The following SYNPR variants were observed in gnomAD, a reference collection of about 807,000 sequenced individuals.
SYNPR encodes the protein synaptoporin.
Under a neutral mutation model 32.9 loss-of-function variants are expected in SYNPR, and 23 were observed. The observed-to-expected ratio is 0.70, with a 90% CI of 0.50 to 0.99. SYNPR has a LOEUF of 0.99. SYNPR is among the 50% of genes least tolerant of loss of function. The probability of loss-of-function intolerance (pLI) is 0.00; values close to 1 mark genes in which losing one functional copy is unlikely to be tolerated. For synonymous variants in SYNPR, 146 were observed against 135.9 expected (o/e 1.07, Z -0.52); for missense variants, 318 against 349.3 (o/e 0.91, Z 0.71).
chr3:63,438,250 C>T (rs1284371631), intron 2 of SYNPR, among the ~76,000 whole-genome samples: 1 of 152,164 alleles, frequency 6.6e-6, no homozygotes, highest in Non-Finnish European at 1.5e-5. Flanking sequence ...ACATTTCCAT[C>T]CAAAAATCCT....
At chr3:63,203,098 A>G in the SYNPR span, 2 of 115,292 alleles carry the variant, frequency 1.7e-5, no homozygotes, top group South Asian at 5.8e-4. Context: ...ATATATATAT[A>G]TATTTGCCAC....
intron 2 of SYNPR, among the ~76,000 whole-genome samples, chr3:63,473,069 T>C (rs532226469): frequency 6.6e-6 from 1 of 152,068 alleles, no homozygotes; most frequent in South Asian, 2.1e-4. Context: ...TCTTACAACA[T>C]ATGCAGACTT....
At chr3:63,556,827 C>T (rs1203629157) in intron 4 of SYNPR, 86 bp downstream of exon 4, 1 of 1,291,508 alleles carries the variant, frequency 7.7e-7, no homozygotes, top group East Asian at 2.5e-5. Context: ...GTTACCTGAG[C>T]CCTCGGGTTA....
At chr3:63,442,403 G>C (rs1236078436) in intron 2 of SYNPR, among the ~76,000 whole-genome samples, 1 of 152,138 alleles carries the variant, frequency 6.6e-6, no homozygotes, top group Non-Finnish European at 1.5e-5. Flanking sequence ...GGGCGGGAAG[G>C]AGAGGCACAC....
the SYNPR span, among the ~76,000 whole-genome samples, chr3:63,202,047 T>A: frequency 2.6e-5 from 4 of 152,138 alleles, no homozygotes; most frequent in African/African-American, 9.7e-5. Flanking sequence ...GTAAGTTTTT[T>A]AAAAACCCCA....
chr3:63,319,268 G>C (rs1408601608), intron 2 of SYNPR, among the ~76,000 whole-genome samples: 2 of 152,010 alleles, frequency 1.3e-5, no homozygotes, highest in Non-Finnish European at 2.9e-5. Flanking sequence ...TCTGTATTCT[G>C]TTCCATTGGT....
At chr3:63,610,405 G>T in intron 5 of SYNPR, 3 of 633,606 alleles carry the variant, frequency 4.7e-6, no homozygotes, top group South Asian at 3.7e-5. Flanking sequence ...AGTGTTTGCT[G>T]AAAGAACATT....
intron 3 of SYNPR, among the ~76,000 whole-genome samples, chr3:63,530,237 A>G (rs577035005): frequency 1.8e-4 from 28 of 152,324 alleles, no homozygotes; most frequent in African/African-American, 6.5e-4. Context: ...TGGGCCCAGC[A>G]AATTACGCAG....
At chr3:63,390,486 T>C (rs527518399) in intron 2 of SYNPR, among the ~76,000 whole-genome samples, 1 of 152,264 alleles carries the variant, frequency 6.6e-6, no homozygotes, top group Non-Finnish European at 1.5e-5. Context: ...ACCAACTGCT[T>C]CCTGAGGACA....
chr3:63,474,835 G>A (rs1195832720), intron 2 of SYNPR, among the ~76,000 whole-genome samples: 1 of 152,068 alleles, frequency 6.6e-6, no homozygotes, highest in Non-Finnish European at 1.5e-5. Context: ...TGAAGGTTGT[G>A]TACCAGGCCT....
chr3:63,400,057 G>A (rs1380831464), intron 2 of SYNPR, among the ~76,000 whole-genome samples: 6 of 152,198 alleles, frequency 3.9e-5, no homozygotes, highest in Non-Finnish European at 8.8e-5. Flanking sequence ...GGATGAGCAA[G>A]CTCAACCAGG....
At chr3:63,391,835 A>G (rs1418411361) in intron 2 of SYNPR, among the ~76,000 whole-genome samples, 1 of 152,206 alleles carries the variant, frequency 6.6e-6, no homozygotes, top group Non-Finnish European at 1.5e-5. Flanking sequence ...TTTACAGAAG[A>G]GGACACTGAG....
At chr3:63,358,375 A>G (rs1268069476) in intron 2 of SYNPR, among the ~76,000 whole-genome samples, 2 of 152,202 alleles carry the variant, frequency 1.3e-5, no homozygotes, top group African/African-American at 2.4e-5. Context: ...CCTTCCTTGC[A>G]TGGCTCCAAT....
intron 1 of SYNPR, among the ~76,000 whole-genome samples, chr3:63,251,385 G>C (rs2086329858): frequency 6.6e-6 from 1 of 152,156 alleles, no homozygotes; most frequent in African/African-American, 2.4e-5. Context: ...ATGTGCCCCA[G>C]AAAGGAGCCT....
At chr3:63,263,232 T>C (rs923029979) in intron 2 of SYNPR, among the ~76,000 whole-genome samples, 2 of 152,224 alleles carry the variant, frequency 1.3e-5, no homozygotes, top group East Asian at 1.9e-4. Context: ...TGGAAAACAC[T>C]GTATGAGCCA....
chr3:63,581,584 G>A (rs1274386792), intron 4 of SYNPR, among the ~76,000 whole-genome samples: 3 of 152,022 alleles, frequency 2.0e-5, no homozygotes, highest in African/African-American at 7.2e-5. Flanking sequence ...ACGAGTATGC[G>A]TCCATCTCAG....
intron 1 of SYNPR, among the ~76,000 whole-genome samples, chr3:63,252,270 TA>T (rs2086339116): frequency 6.6e-6 from 1 of 152,190 alleles, no homozygotes; most frequent in Non-Finnish European, 1.5e-5. Flanking sequence ...TATTATTTTA[TA>T]AAGGTTTCTT....
At chr3:63,464,345 T>C (rs1247231103) in intron 2 of SYNPR, among the ~76,000 whole-genome samples, 1 of 152,192 alleles carries the variant, frequency 6.6e-6, no homozygotes, top group African/African-American at 2.4e-5. Flanking sequence ...GGATGGTCCC[T>C]GCCTCAAAGG....
At chr3:63,355,276 CAAAA>C (rs34592172) in intron 2 of SYNPR, among the ~76,000 whole-genome samples, 2 of 93,820 alleles carry the variant, frequency 2.1e-5, no homozygotes. Flanking sequence ...GAGACCCTGT[CAAAA>C]AAAAAAAAAA....
Sources: gnomAD v4.1 joint callset for allele counts (sites outside exome capture counted in the v4.1 genomes callset) on GRCh38, gnomAD v4.1.1 for gene constraint, MANE v1.5 for transcripts, NCBI Gene and HGNC (gene_info 2026-07-23, HGNC 2026-07-21) for gene names.